The following OR2C1 variants were observed in gnomAD, a reference collection of about 807,000 sequenced individuals.
OR2C1 encodes olfactory receptor family 2 subfamily C member 1.
For missense variants in OR2C1, 468 were observed against 388.3 expected (o/e 1.21, Z -1.73); for synonymous variants, 209 against 167.3 (o/e 1.25, Z -1.92).
At chr16:3,352,066 G>A (rs556812723), upstream of OR2C1, among the ~76,000 whole-genome samples, 11 of 152,042 alleles carry the variant, frequency 7.2e-5, no homozygotes, top group South Asian at 2.1e-4. Flanking sequence ...AGTCCCTTCC[G>A]AGTGGCCTAG....
upstream of OR2C1, among the ~76,000 whole-genome samples, chr16:3,354,081 T>G (rs1046469097): frequency 7.9e-5 from 12 of 151,944 alleles, no homozygotes; most frequent in African/African-American, 2.9e-4. Flanking sequence ...CCTCCCTGTT[T>G]CAAGTGTTTC....
chr16:3,337,976 G>C, the OR2C1 span, among the ~76,000 whole-genome samples: 2 of 152,184 alleles, frequency 1.3e-5, no homozygotes, highest in African/African-American at 4.8e-5. Flanking sequence ...ACCCTAGGTA[G>C]GTCACTGCGT....
the OR2C1 span, among the ~76,000 whole-genome samples, chr16:3,346,676 C>T: frequency 2.9e-5 from 4 of 138,534 alleles, no homozygotes; most frequent in Non-Finnish European, 6.0e-5. Context: ...GTCATCCAGG[C>T]TGGAGTGCAG....
At chr16:3,355,340 C>A (rs757119536), upstream of OR2C1, among the ~76,000 whole-genome samples, 2 of 150,504 alleles carry the variant, frequency 1.3e-5, no homozygotes, top group Non-Finnish European at 3.0e-5. Flanking sequence ...TGCCTGTAGT[C>A]CCAGCTACTC....
chr16:3,332,870 T>G, the OR2C1 span, among the ~76,000 whole-genome samples: 1 of 152,102 alleles, frequency 6.6e-6, no homozygotes. Flanking sequence ...ATATATTGAC[T>G]TCCTTTCTTT....
chr16:3,330,307 A>C, the OR2C1 span, among the ~76,000 whole-genome samples: 1 of 150,150 alleles, frequency 6.7e-6, no homozygotes, highest in Non-Finnish European at 1.5e-5. Context: ...TAGTAGAGAC[A>C]GGGTTTCATC....
the OR2C1 span, among the ~76,000 whole-genome samples, chr16:3,325,331 C>T: frequency 1.3e-5 from 2 of 151,780 alleles, no homozygotes; most frequent in African/African-American, 4.8e-5. Flanking sequence ...GTCGCCCAGG[C>T]TGGTCTCAAA....
chr16:3,328,654 G>T, the OR2C1 span, among the ~76,000 whole-genome samples: 3 of 152,200 alleles, frequency 2.0e-5, no homozygotes, highest in Non-Finnish European at 4.4e-5. Flanking sequence ...CCCCTTTGGG[G>T]TTCTGTGCTC....
At chr16:3,336,936 G>A in the OR2C1 span, among the ~76,000 whole-genome samples, 1 of 151,708 alleles carries the variant, frequency 6.6e-6, no homozygotes, top group African/African-American at 2.4e-5. Context: ...TCGAACTCCC[G>A]ACCTCAGGTG....
the OR2C1 span, among the ~76,000 whole-genome samples, chr16:3,326,280 T>C: frequency 1.3e-5 from 2 of 151,848 alleles, no homozygotes; most frequent in Admixed American, 6.6e-5. Flanking sequence ...AACCCAGCAC[T>C]CACCCTACAC....
the OR2C1 span, among the ~76,000 whole-genome samples, chr16:3,326,014 T>C: frequency 1.3e-5 from 2 of 149,428 alleles, no homozygotes; most frequent in Non-Finnish European, 3.0e-5. Flanking sequence ...CAATGCAAGC[T>C]CTGTCTCCTG....
chr16:3,326,019 C>T, the OR2C1 span, among the ~76,000 whole-genome samples: 2 of 151,034 alleles, frequency 1.3e-5, no homozygotes, highest in African/African-American at 4.9e-5. Context: ...CAAGCTCTGT[C>T]TCCTGGGTTC....
At chr16:3,332,121 A>G in the OR2C1 span, among the ~76,000 whole-genome samples, 5 of 149,752 alleles carry the variant, frequency 3.3e-5, no homozygotes, top group Non-Finnish European at 4.5e-5. Flanking sequence ...GATATACCTA[A>G]TGCTAGATGA....
chr16:3,332,271 T>G, the OR2C1 span, among the ~76,000 whole-genome samples: 16 of 152,144 alleles, frequency 1.1e-4, no homozygotes, highest in African/African-American at 3.9e-4. Context: ...TAAAAATTTT[T>G]TTTTTGTAGA....
rs773857337 is a variant in OR2C1 at position 3,356,301 on chromosome 16, G to C, written c.361G>C (p.Asp121His). 6.2e-7 allele frequency: 1 copy of C among 1,613,372 alleles called. No homozygotes were observed. The highest frequency in any genetic ancestry group is 1.1e-5 in the South Asian group (1 of 91,054). Reference protein sequence around the residue: ...ECILLVVMAFDRYVAVCRPLR... With the variant: ...ECILLVVMAFHRYVAVCRPLR... The stretch of plus-strand genomic sequence containing the variant: ...CATCCTGCTGGTGGTGATGGCATTT[G>C]ACCGCTACGTGGCAGTGTGCCGGCC... Residue 121 changes from aspartate to histidine, a missense_variant, in exon 1 of 1, where the codon GAC becomes CAC. Physicochemically the swap from Asp to His is moderately conservative, Grantham distance 81. Coordinates refer to ENST00000304936, the MANE Select transcript of OR2C1 (RefSeq NM_012368.3).
chr16:3,342,175 C>G, the OR2C1 span, among the ~76,000 whole-genome samples: 1 of 152,076 alleles, frequency 6.6e-6, no homozygotes, highest in African/African-American at 2.4e-5. Flanking sequence ...CACTTGAACT[C>G]AGGGGGCAGA....
the OR2C1 span, among the ~76,000 whole-genome samples, chr16:3,335,049 C>A: frequency 6.6e-6 from 1 of 151,844 alleles, no homozygotes; most frequent in Non-Finnish European, 1.5e-5. Context: ...GAGCTCCTGA[C>A]CTCAGGTGAT....
the OR2C1 span, among the ~76,000 whole-genome samples, chr16:3,336,897 A>C: frequency 1.3e-5 from 2 of 150,362 alleles, no homozygotes; most frequent in Non-Finnish European, 3.0e-5. Context: ...TAGTAGAGAC[A>C]GGGTTTCTAT....
At chr16:3,329,187 C>CACACACACACAA in the OR2C1 span, among the ~76,000 whole-genome samples, 80 of 150,200 alleles carry the variant, frequency 5.3e-4, 1 homozygote, top group African/African-American at 1.7e-3. Flanking sequence ...CACACACACA[C>CACACACACACAA]ACACACACAC....
Sources: gnomAD v4.1 joint callset for allele counts (sites outside exome capture counted in the v4.1 genomes callset) on GRCh38, gnomAD v4.1.1 for gene constraint, MANE v1.5 for transcripts, NCBI Gene and HGNC (gene_info 2026-07-23, HGNC 2026-07-21) for gene names.